The following SAMHD1 variants were observed in gnomAD, a reference collection of about 807,000 sequenced individuals.
SAMHD1 encodes SAM and HD domain containing deoxynucleoside triphosphate triphosphohydrolase 1, also known as deoxynucleoside triphosphate triphosphohydrolase SAMHD1.
SAMHD1 carries 54 observed loss-of-function variants against 79.6 expected under a neutral mutation model. The ratio of observed to expected loss-of-function variants is 0.68; its 90% CI spans 0.55 to 0.85. The LOEUF is 0.85. SAMHD1 is among the 40% of genes least tolerant of loss of function. SAMHD1 has a pLI of 0.00. For synonymous variants in SAMHD1, 260 were observed against 264.1 expected (o/e 0.98, Z 0.15); for missense variants, 663 against 782.7 (o/e 0.85, Z 1.82).
intron 3 of SAMHD1, among the ~76,000 whole-genome samples, chr20:36,937,064 C>T (rs1390365434): frequency 6.6e-6 from 1 of 151,470 alleles, no homozygotes; most frequent in Non-Finnish European, 1.5e-5. Flanking sequence ...TCGCTTGAAC[C>T]CAGGAGGCAA....
intron 1 of SAMHD1, chr20:36,947,062 G>A: frequency 2.8e-6 from 1 of 361,326 alleles, no homozygotes; most frequent in Non-Finnish European, 5.1e-6. Flanking sequence ...AGAAAAACCA[G>A]TTGCAAAAAG....
Position 36,925,611 on chromosome 20 carries a change from A to G in SAMHD1, c.696+1571T>C, listed in dbSNP as rs1160530339. ...ATATTCACAATACATATACCTAACCATATATATACATAAAGAATTCCTACA... is the reference window on the plus strand; with the variant it reads ...ATATTCACAATACATATACCTAACCGTATATATACATAAAGAATTCCTACA... On this transcript the variant is annotated intron_variant, in intron 6 of 15. Coordinates refer to ENST00000646673, the MANE Select transcript of SAMHD1 (RefSeq NM_015474.4). Among the ~76,000 whole-genome samples the G allele has an allele frequency of 2.6e-5, 4 of 152,358 alleles. No individual in the cohort carries two copies. In the South Asian group the frequency reaches 6.2e-4, roughly 24 times the overall value.
At chr20:36,944,637 A>C (rs966409449) in intron 2 of SAMHD1, among the ~76,000 whole-genome samples, 1 of 152,216 alleles carries the variant, frequency 6.6e-6, no homozygotes, top group African/African-American at 2.4e-5. Flanking sequence ...GCTCGCGCCT[A>C]TAATCCCAGC....
At chr20:36,915,926 G>A (rs1343495588) in intron 9 of SAMHD1, among the ~76,000 whole-genome samples, 3 of 152,024 alleles carry the variant, frequency 2.0e-5, no homozygotes, top group Admixed American at 6.6e-5. Flanking sequence ...TTGGGAGGCC[G>A]AGGCGGGCAG....
intron 11 of SAMHD1, among the ~76,000 whole-genome samples, chr20:36,908,790 G>T (rs2063419975): frequency 6.6e-6 from 1 of 152,098 alleles, no homozygotes; most frequent in Non-Finnish European, 1.5e-5. Context: ...ATAGAATCCA[G>T]CTGTGGTAGA....
chr20:36,930,079 A>G (rs1343899282), intron 5 of SAMHD1, among the ~76,000 whole-genome samples: 1 of 56,394 alleles, frequency 1.8e-5, no homozygotes, highest in African/African-American at 1.0e-4. Context: ...GAAGAAAAAA[A>G]AAGACCAAAA....
rs776994886 is a variant in SAMHD1, at chr20:36,911,266, G to A, written c.1222C>T (p.Arg408Cys). The change falls in exon 11 of 16, where the codon CGC becomes TGC. Residue 408 changes from arginine (R) to cysteine (C), a missense_variant. Coordinates refer to ENST00000646673, the MANE Select transcript of SAMHD1 (RefSeq NM_015474.4). ...ATGTCGTCAATTGCTGTAGAAATGC[G>A]ATACTTTTTTCCTCCAGCACCTGTA... is the stretch of plus-strand genomic sequence containing the variant. ...EITGAGGKKY[R>C]ISTAIDDMEA... 13 of 1,613,112 alleles carry A rather than the reference G, an allele frequency of 8.1e-6. No homozygotes were observed. Among genetic ancestry groups the A allele is most frequent in the Admixed American group, 1.7e-5 (1 of 59,956 alleles).
intron 13 of SAMHD1, among the ~76,000 whole-genome samples, chr20:36,902,794 G>GT (rs1403421890): frequency 5.9e-5 from 9 of 151,976 alleles, no homozygotes; most frequent in African/African-American, 2.2e-4. Context: ...CTGGAATGCA[G>GT]TGGTGTGATC....
At chr20:36,944,438 T>C (rs1411785448) in intron 2 of SAMHD1, among the ~76,000 whole-genome samples, 1 of 152,218 alleles carries the variant, frequency 6.6e-6, no homozygotes, top group Non-Finnish European at 1.5e-5. Flanking sequence ...GTACTTCTGT[T>C]ATCAATTACT....
chr20:36,916,866 C>T, intron 8 of SAMHD1, 36 bp from the exon 9 acceptor site: 1 of 1,596,010 alleles, frequency 6.3e-7, no homozygotes, highest in Non-Finnish European at 8.6e-7. Context: ...TGAAATTTTT[C>T]AACAAGGAAG....
intron 5 of SAMHD1, among the ~76,000 whole-genome samples, 168 bp from the exon 6 acceptor site, chr20:36,927,420 C>T (rs2063543909): frequency 1.3e-5 from 2 of 150,376 alleles, no homozygotes; most frequent in Middle Eastern, 3.5e-3. Flanking sequence ...TGGGTTCAAG[C>T]GATTCTCCTG....
At chr20:36,889,904 C>T (rs2148349652), downstream of SAMHD1, 3 of 120,446 alleles carry the variant, frequency 2.5e-5, no homozygotes, top group Middle Eastern at 4.2e-3. Flanking sequence ...GACAATGTTC[C>T]ATGAATGTGT....
At chr20:36,935,352 A>G in intron 3 of SAMHD1, 163 bp from the exon 4 acceptor site, 1 of 658,970 alleles carries the variant, frequency 1.5e-6, no homozygotes, top group African/African-American at 1.8e-5. Context: ...TTATTTAGGT[A>G]TCACTACCAG....
At chr20:36,905,816 C>A (rs2063401677) in intron 11 of SAMHD1, among the ~76,000 whole-genome samples, 1 of 151,790 alleles carries the variant, frequency 6.6e-6, no homozygotes, top group Non-Finnish European at 1.5e-5. Flanking sequence ...ACTAACAATA[C>A]AAAAAAATTA....
Position 36,897,907 on chromosome 20 carries a change from C to A in SAMHD1, c.1661G>T (p.Cys554Phe). Residue 554 changes from cysteine to phenylalanine, a missense_variant, in exon 15 of 16, where the codon TGT becomes TTT. Cys to Phe is a radical substitution (Grantham distance 205, BLOSUM62 -2). Coordinates refer to ENST00000646673, the MANE Select transcript of SAMHD1 (RefSeq NM_015474.4). ...CAAACTCTTTCTGTCCACCTTCTTA[C>A]AATATACTCGAATCAGCTGCTCTGC... ...KFAEQLIRVY[C>F]KKVDRKSLYA... 1 of 1,614,196 alleles carries A rather than the reference C, an allele frequency of 6.2e-7. No individual in the cohort carries two copies. Among genetic ancestry groups the A allele is most frequent in the Non-Finnish European group, 8.5e-7 (1 of 1,180,046 alleles).
chr20:36,928,458 G>A (rs2063549331), intron 5 of SAMHD1, among the ~76,000 whole-genome samples: 1 of 151,996 alleles, frequency 6.6e-6, no homozygotes, highest in Non-Finnish European at 1.5e-5. Context: ...AGGCCGAGGC[G>A]GGTAGATCAC....
At chr20:36,914,441 C>G (rs958869967) in intron 9 of SAMHD1, among the ~76,000 whole-genome samples, 1 of 151,944 alleles carries the variant, frequency 6.6e-6, no homozygotes, top group Non-Finnish European at 1.5e-5. Flanking sequence ...GCCTCCGCCT[C>G]CCGGGTTCAA....
Position 36,919,356 on chromosome 20 carries a change from A to T in SAMHD1, c.852+8T>A. The T allele has an allele frequency of 6.2e-7, 1 of 1,613,002 alleles. No homozygotes were observed. Among genetic ancestry groups the T allele is most frequent in the Non-Finnish European group, 8.5e-7 (1 of 1,179,258 alleles). On this transcript the variant is annotated splice_region_variant and intron_variant, in intron 7 of 15. Coordinates refer to ENST00000646673, the MANE Select transcript of SAMHD1 (RefSeq NM_015474.4). Reference sequence around the variant, plus strand: ...AGTCAGTTAAAATTAAGCTGTACATAAACTTACCAATGAATCTTCGACAGG... The same window carrying T: ...AGTCAGTTAAAATTAAGCTGTACATTAACTTACCAATGAATCTTCGACAGG...
chr20:36,893,196 G>T, intron 15 of SAMHD1, 130 bp from the exon 16 acceptor site: 1 of 1,139,360 alleles, frequency 8.8e-7, no homozygotes, highest in Non-Finnish European at 1.3e-6. Context: ...CCTCAATCCA[G>T]GGAAACTCCA....
Sources: gnomAD v4.1 joint callset for allele counts (sites outside exome capture counted in the v4.1 genomes callset) on GRCh38, gnomAD v4.1.1 for gene constraint, MANE v1.5 for transcripts, NCBI Gene and HGNC (gene_info 2026-07-23, HGNC 2026-07-21) for gene names.